The following SHROOM3 variants were observed in gnomAD, a reference collection of about 807,000 sequenced individuals.
SHROOM3 encodes the protein protein Shroom3.
SHROOM3 carries 47 observed loss-of-function variants against 138.6 expected under a neutral mutation model. That is an observed-to-expected ratio of 0.34 (90% CI 0.27 to 0.43). The LOEUF (loss-of-function observed/expected upper bound fraction) is 0.43. SHROOM3 is among the 20% of genes least tolerant of loss of function. SHROOM3 has a pLI of 1.00. For synonymous variants in SHROOM3, 1,062 were observed against 1,063.3 expected, an observed-to-expected ratio of 1.00 and a Z score of 0.02; for missense variants, 2,491 against 2,596.5, an observed-to-expected ratio of 0.96 and a Z score of 0.88.
intron 1 of SHROOM3, among the ~76,000 whole-genome samples, chr4:76,471,250 T>C (rs1028334980): frequency 4.6e-5 from 7 of 151,214 alleles, no homozygotes; most frequent in Admixed American, 1.3e-4. Flanking sequence ...TTCTTTCTTT[T>C]TTTTTTTTTT....
chr4:76,564,739 T>A (rs895999449), intron 2 of SHROOM3, among the ~76,000 whole-genome samples: 2 of 152,172 alleles, frequency 1.3e-5, no homozygotes, highest in African/African-American at 4.8e-5. Context: ...TTGTTCCTAG[T>A]GAAGGAGGTT....
At chr4:76,506,343 G>T (rs956125350) in intron 1 of SHROOM3, among the ~76,000 whole-genome samples, 2 of 152,070 alleles carry the variant, frequency 1.3e-5, no homozygotes, top group Non-Finnish European at 2.9e-5. Context: ...AAACCTGCAC[G>T]TTCTGCACAT....
At chr4:76,577,547 C>T (rs1229050286) in intron 2 of SHROOM3, among the ~76,000 whole-genome samples, 1 of 152,032 alleles carries the variant, frequency 6.6e-6, no homozygotes, top group Non-Finnish European at 1.5e-5. Context: ...ATTTGTCTAC[C>T]CAATAAAATA....
intron 1 of SHROOM3, among the ~76,000 whole-genome samples, chr4:76,486,027 G>A (rs886849746): frequency 2.4e-4 from 37 of 151,548 alleles, no homozygotes; most frequent in African/African-American, 6.5e-4. Context: ...TATTTTTTGC[G>A]TTTTTCAATC....
intron 2 of SHROOM3, among the ~76,000 whole-genome samples, chr4:76,687,339 A>G (rs1320189968): frequency 2.0e-5 from 3 of 152,230 alleles, no homozygotes; most frequent in Non-Finnish European, 4.4e-5. Flanking sequence ...TTTCGATTCT[A>G]ATGTGATGCA....
intron 2 of SHROOM3, among the ~76,000 whole-genome samples, chr4:76,592,966 C>G (rs537169196): frequency 2.6e-5 from 4 of 152,232 alleles, no homozygotes; most frequent in Non-Finnish European, 4.4e-5. Flanking sequence ...CCTGGACACC[C>G]CTTTGAATGT....
chr4:76,744,994 T>C lies in SHROOM3; in HGVS notation c.3753+3068T>C, dbSNP rs1399970618. Among the ~76,000 whole-genome samples, 6 of 152,378 alleles carry C rather than the reference T, an allele frequency of 3.9e-5. No homozygotes were observed. In the South Asian group the frequency reaches 1.2e-3, roughly 32 times the overall value. On this transcript the variant is annotated intron_variant, in intron 5 of 10. Coordinates refer to ENST00000296043, the MANE Select transcript of SHROOM3 (RefSeq NM_020859.4). ...CAGGAGGCTACCATTTTGAACTACT[T>C]GTAGCCTGAGACCTTCTCATGTATT... is the stretch of plus-strand genomic sequence containing the variant.
At chr4:76,563,194 C>T (rs73828105) in intron 2 of SHROOM3, among the ~76,000 whole-genome samples, 5,657 of 152,204 alleles carry the variant, frequency 0.037, 330 homozygotes, top group African/African-American at 0.12. Flanking sequence ...TCATAAGGAG[C>T]TTCTATTGTA....
rs766340002 is a variant in SHROOM3 at position 76,738,915 on chromosome 4, C to A, written c.742C>A (p.Gln248Lys). 1 of 1,614,260 alleles carries A rather than the reference C, an allele frequency of 6.2e-7. No homozygotes were observed. Among genetic ancestry groups the A allele is most frequent in the East Asian group, 2.2e-5 (1 of 44,878 alleles). The change falls in exon 5 of 11, where the codon CAG (glutamine) becomes AAG (lysine). Residue 248 changes from glutamine (Q) to lysine (K), a missense_variant. Physicochemically the swap from Gln to Lys is moderately conservative, Grantham distance 53. Around this residue, in one of 4 missense-constraint regions of SHROOM3, gnomAD observed 284 missense variants for 322.8 expected, o/e 0.88. Transcript: ENST00000296043. ...SPAKSTGSID[Q>K]LSHFHNKRDS... ...TGCCAAGTCCACCGGCAGCATTGACCAGCTCAGCCACTTCCATAACAAGAG... is the reference window on the plus strand; with the variant it reads ...TGCCAAGTCCACCGGCAGCATTGACAAGCTCAGCCACTTCCATAACAAGAG...
chr4:76,638,414 G>A (rs527509515), intron 2 of SHROOM3, among the ~76,000 whole-genome samples: 1 of 152,206 alleles, frequency 6.6e-6, no homozygotes, highest in South Asian at 2.1e-4. Flanking sequence ...GCCAGATGTG[G>A]TGGTGCACAT....
chr4:76,473,449 A>G (rs1384662260), intron 1 of SHROOM3, among the ~76,000 whole-genome samples: 1 of 151,886 alleles, frequency 6.6e-6, no homozygotes, highest in Non-Finnish European at 1.5e-5. Flanking sequence ...CTCTATGAAA[A>G]ATTTTAAAAA....
intron 1 of SHROOM3, among the ~76,000 whole-genome samples, chr4:76,440,932 T>C (rs990340918): frequency 2.6e-5 from 4 of 152,034 alleles, no homozygotes; most frequent in Middle Eastern, 3.2e-3. Flanking sequence ...CCACCTTTTT[T>C]CTATCAATCC....
intron 1 of SHROOM3, among the ~76,000 whole-genome samples, chr4:76,474,887 A>T (rs868447023): frequency 6.6e-6 from 1 of 152,014 alleles, no homozygotes. Flanking sequence ...AGATCGCGCC[A>T]CTGCACTCCT....
intron 1 of SHROOM3, among the ~76,000 whole-genome samples, chr4:76,542,900 G>A (rs17002075): frequency 0.027 from 4,104 of 152,222 alleles, 201 homozygotes; most frequent in African/African-American, 0.092. Flanking sequence ...GCAGGCCTTG[G>A]TAGAAAGGAA....
chr4:76,685,160 T>C (rs951349754), intron 2 of SHROOM3, among the ~76,000 whole-genome samples: 1 of 152,238 alleles, frequency 6.6e-6, no homozygotes, highest in African/African-American at 2.4e-5. Flanking sequence ...TCTTTCTTTG[T>C]AGTGTGTTGT....
chr4:76,632,930 A>T (rs1349093467), intron 2 of SHROOM3, among the ~76,000 whole-genome samples: 1 of 151,956 alleles, frequency 6.6e-6, no homozygotes, highest in Admixed American at 6.6e-5. Context: ...AATAAGAAAA[A>T]CCCAGTATTT....
chr4:76,485,214 A>C (rs1490318912), intron 1 of SHROOM3, among the ~76,000 whole-genome samples: 1 of 152,142 alleles, frequency 6.6e-6, no homozygotes, highest in Non-Finnish European at 1.5e-5. Flanking sequence ...GCTGTCTGCA[A>C]ATAACCTGGA....
At chr4:76,519,044 C>T (rs558203659) in intron 1 of SHROOM3, among the ~76,000 whole-genome samples, 17 of 152,100 alleles carry the variant, frequency 1.1e-4, no homozygotes, top group South Asian at 2.1e-4. Flanking sequence ...CATAGCCTTG[C>T]CCTTGGAAGA....
intron 2 of SHROOM3, among the ~76,000 whole-genome samples, chr4:76,671,748 T>A (rs565853543): frequency 1.1e-4 from 16 of 152,270 alleles, no homozygotes; most frequent in African/African-American, 3.4e-4. Context: ...AAGAAACATC[T>A]AGAGAGAGAC....
Sources: gnomAD v4.1 joint callset for allele counts (sites outside exome capture counted in the v4.1 genomes callset) on GRCh38, gnomAD v4.1.1 for gene constraint, gnomAD v4.1.1 regional missense constraint, MANE v1.5 for transcripts, NCBI Gene and HGNC (gene_info 2026-07-23, HGNC 2026-07-21) for gene names.